The following NEFL variants were observed in gnomAD, a reference collection of about 807,000 sequenced individuals.
NEFL encodes the protein neurofilament light polypeptide.
A neutral mutation model predicts 51.6 loss-of-function variants in NEFL; 36 were observed. That is an observed-to-expected ratio of 0.70 (90% CI 0.53 to 0.92). The LOEUF (loss-of-function observed/expected upper bound fraction) is 0.92. Ranked by LOEUF, NEFL falls within the 40% of genes least tolerant of loss-of-function variation. The probability of loss-of-function intolerance (pLI) is 0.00; values close to 1 mark genes in which losing one functional copy is unlikely to be tolerated. For missense variants in NEFL, 671 were observed against 722.0 expected (o/e 0.93, Z 0.81); for synonymous variants, 332 against 302.5 (o/e 1.10, Z -1.01).
chr8:24,955,620 C>CGG lies in NEFL; in HGVS notation c.895_896insCC (p.Arg299ProfsTer28). 1.9e-6 allele frequency: 3 copies of CGG among 1,613,834 alleles called. No individual in the cohort carries two copies. The highest frequency in any genetic ancestry group is 2.5e-6 in the Non-Finnish European group (3 of 1,179,868). ...CTCGGACACCTCGTCCTTGGCGGCGCGCACGGCGTCGGTGTTCTTGGCGGC... is the reference window on the plus strand; with the variant it reads ...CTCGGACACCTCGTCCTTGGCGGCGCGGGCACGGCGTCGGTGTTCTTGGCGGC... On this transcript the variant is annotated frameshift_variant, in exon 1 of 4. Transcript: ENST00000610854. LOFTEE classifies it high-confidence loss of function. The surrounding 1 kb of genome is among the most constrained non-coding windows in gnomAD (Gnocchi z 4.0).
In NEFL at chr8:24,956,002, G is replaced by A; in HGVS notation, c.514C>T (p.Arg172Cys). The change falls in exon 1 of 4, where the codon CGC (arginine) becomes TGC (cysteine). Residue 172 changes from arginine to cysteine, a missense_variant. By Grantham distance (180) the Arg-to-Cys change is radical. Transcript: ENST00000610854. This position sits in a 1 kb window ranked among gnomAD's most constrained non-coding sequence, Gnocchi z 5.9. ...TCTTCATAGCGCGCCTGCAGGTTGCGCAGGGTCTCCTCCAGCCCTTCGCGC... is the reference window on the plus strand; with the variant it reads ...TCTTCATAGCGCGCCTGCAGGTTGCACAGGGTCTCCTCCAGCCCTTCGCGC... ...GEREGLEETL[R>C]NLQARYEEEV... is the part of the protein sequence containing the mutation. 1 of 1,604,218 alleles carries A rather than the reference G, an allele frequency of 6.2e-7. No individual in the cohort carries two copies. The highest frequency in any genetic ancestry group is 1.1e-5 in the South Asian group (1 of 90,866).
chr8:24,953,938 A>G lies in NEFL; in HGVS notation c.1170-143T>C. 3 of 1,255,120 alleles carry G rather than the reference A, an allele frequency of 2.4e-6. No individual in the cohort carries two copies. In the East Asian group the frequency reaches 7.6e-5, roughly 32 times the overall value. 77.7% of individuals were successfully genotyped at this position (1,255,120 alleles called of 1,614,324 possible). On this transcript the variant is annotated intron_variant, in intron 2 of 3. Coordinates refer to ENST00000610854, the MANE Select transcript of NEFL (RefSeq NM_006158.5). The stretch of plus-strand genomic sequence containing the variant: ...TGGGGATCTTTTGATGGAGACCAGA[A>G]AAAATATAAATAAATCATCCTATTA...
At position 24,955,236 on chromosome 8, in the gene NEFL, G is replaced by C; in HGVS notation, c.1044+236C>G. Reference sequence around the variant, plus strand: ...CCCCTCCCCCACCCAACAAGGGCTGGGCAGCTTTAATGCGGAACGCCGGTG... The same window carrying C: ...CCCCTCCCCCACCCAACAAGGGCTGCGCAGCTTTAATGCGGAACGCCGGTG... On this transcript the variant is annotated intron_variant, in intron 1 of 3. Transcript: ENST00000610854. This position sits in a 1 kb window ranked among gnomAD's most constrained non-coding sequence, Gnocchi z 4.0. 1 of 534,828 alleles carries C rather than the reference G, an allele frequency of 1.9e-6. No homozygotes were observed. Among genetic ancestry groups the C allele is most frequent in the Non-Finnish European group, 3.3e-6 (1 of 305,630 alleles). The allele number at this position is 534,828 out of a possible 1,614,324, so 33.1% of individuals were successfully genotyped here.
chr8:24,955,783 C>A lies in NEFL; in HGVS notation c.733G>T (p.Val245Leu), dbSNP rs752545805. ...TCGGGCTTGGTCACGTCCATCTCCACGGAGATCTGCGCGTACTGGATCTGC... is the reference window on the plus strand; with the variant it reads ...TCGGGCTTGGTCACGTCCATCTCCAAGGAGATCTGCGCGTACTGGATCTGC... ...QAQIQYAQIS[V>L]EMDVTKPDLS... The change falls in exon 1 of 4, where the codon GTG becomes TTG. Residue 245 changes from valine to leucine, a missense_variant. Physicochemically the swap from Val to Leu is conservative, Grantham distance 32. Coordinates refer to ENST00000610854, the MANE Select transcript of NEFL (RefSeq NM_006158.5). The surrounding 1 kb of genome is among the most constrained non-coding windows in gnomAD (Gnocchi z 4.0). 6.2e-7 allele frequency: 1 copy of A among 1,612,976 alleles called. No individual in the cohort carries two copies. Among genetic ancestry groups the A allele is most frequent in the Non-Finnish European group, 8.5e-7 (1 of 1,179,830 alleles).
At position 24,956,461 on chromosome 8, in the gene NEFL, C is replaced by T. The variant is rs1424618809; in HGVS notation, c.55G>A (p.Val19Met). 1.2e-6 allele frequency: 2 copies of T among 1,604,366 alleles called. No individual in the cohort carries two copies. The highest frequency in any genetic ancestry group is 1.7e-6 in the Non-Finnish European group (2 of 1,176,184). ...GAGATGTGCACCCGGGGCGTCTCCA[C>T]GTAGCGCCGCTTGTAGGAGGTCGAG... is the stretch of plus-strand genomic sequence containing the variant. ...YYSTSYKRRY[V>M]ETPRVHISSV... The change falls in exon 1 of 4, where the codon GTG becomes ATG. Residue 19 changes from valine to methionine, a missense_variant. Physicochemically the swap from Val to Met is conservative, Grantham distance 21. Transcript: ENST00000610854. The surrounding 1 kb of genome is among the most constrained non-coding windows in gnomAD (Gnocchi z 5.9).
chr8:24,954,697 T>G (rs1478242452), intron 1 of NEFL, among the ~76,000 whole-genome samples: 1 of 151,996 alleles, frequency 6.6e-6, no homozygotes, highest in Non-Finnish European at 1.5e-5. Context: ...AATAGCCAGA[T>G]GTAAACAAAA....
Position 24,956,480 on chromosome 8 carries a change from G to T in NEFL, c.36C>A (p.Thr12=), listed in dbSNP as rs773399177. ...SSFSYEPYYS[T]SYKRRYVETP... is the part of the protein sequence containing the mutation. ...TCTCCACGTAGCGCCGCTTGTAGGA[G>T]GTCGAGTAGTACGGCTCGTAGCTGA... The change falls in exon 1 of 4, where the codon ACC becomes ACA. Residue 12 remains threonine (T), a synonymous_variant. Coordinates refer to ENST00000610854, the MANE Select transcript of NEFL (RefSeq NM_006158.5). The surrounding 1 kb of genome is among the most constrained non-coding windows in gnomAD (Gnocchi z 5.9). 1 of 1,604,244 alleles carries T rather than the reference G, an allele frequency of 6.2e-7. No individual in the cohort carries two copies. The highest frequency in any genetic ancestry group is 2.2e-5 in the East Asian group (1 of 44,480).
rs773403006 is a variant in NEFL at position 24,954,354 on chromosome 8, CT to C, written c.1045-50del. ...AAAAAAAAAATCCGAGCATAAATCCCTTCTATTATTTTACTGTAGTGTAGTT... is the reference window on the plus strand; with the variant it reads ...AAAAAAAAAATCCGAGCATAAATCCCTCTATTATTTTACTGTAGTGTAGTT... On this transcript the variant is annotated intron_variant, in intron 1 of 3. Transcript: ENST00000610854. 2.6e-5 allele frequency: 42 copies of C among 1,600,614 alleles called. No homozygotes were observed. In the East Asian group the frequency reaches 2.9e-4, roughly 11 times the overall value.
rs774653437 is a variant in NEFL at position 24,955,975 on chromosome 8, C to T, written c.541G>A (p.Glu181Lys). 1.9e-6 allele frequency: 3 copies of T among 1,603,232 alleles called. No homozygotes were observed. The highest frequency in any genetic ancestry group is 2.5e-6 in the Non-Finnish European group (3 of 1,179,140). Residue 181 changes from glutamate (E) to lysine (K), a missense_variant, in exon 1 of 4, where the codon GAG (glutamate) becomes AAG (lysine). Physicochemically the swap from Glu to Lys is moderately conservative, Grantham distance 56. Coordinates refer to ENST00000610854, the MANE Select transcript of NEFL (RefSeq NM_006158.5). This position sits in a 1 kb window ranked among gnomAD's most constrained non-coding sequence, Gnocchi z 4.0. ...TCGGCGTCCTCGCGGCTCAGCACCT[C>T]CTCTTCATAGCGCGCCTGCAGGTTG... The part of the protein sequence containing the change: ...LRNLQARYEE[E>K]VLSREDAEGR...
Position 24,953,613 on chromosome 8 carries a change from T to C in NEFL, c.1352A>G (p.Gln451Arg), listed in dbSNP as rs1161174883. Residue 451 changes from glutamine to arginine, a missense_variant, in exon 3 of 4, where the codon CAG becomes CGG. By Grantham distance (43) the Gln-to-Arg change is conservative. Transcript: ENST00000610854. ...SYYTSHVQEE[Q>R]IEVEETIEAA... ...CTCAATGGTTTCCTCCACTTCGATCTGCTCCTCTTGGACATGGCTGGTGTA... is the reference window on the plus strand; with the variant it reads ...CTCAATGGTTTCCTCCACTTCGATCCGCTCCTCTTGGACATGGCTGGTGTA... 6.2e-7 allele frequency: 1 copy of C among 1,614,040 alleles called. No individual in the cohort carries two copies.
chr8:24,953,082 A>G (rs1802991837), intron 3 of NEFL, 130 bp from the exon 4 acceptor site: 2 of 1,131,752 alleles, frequency 1.8e-6, no homozygotes, highest in Admixed American at 5.7e-5. Context: ...CACTCTCTCC[A>G]AAAGCACATG....
intron 1 of NEFL, 63 bp from the exon 2 acceptor site, chr8:24,954,368 C>T: frequency 6.3e-7 from 1 of 1,586,754 alleles, no homozygotes; most frequent in Non-Finnish European, 8.6e-7. Flanking sequence ...TATTATTTTA[C>T]TGTAGTGTAG....
Position 24,953,595 on chromosome 8 carries a change from G to C in NEFL, c.1370C>G (p.Thr457Ser). 1 of 1,613,994 alleles carries C rather than the reference G, an allele frequency of 6.2e-7. No homozygotes were observed. Among genetic ancestry groups the C allele is most frequent in the Non-Finnish European group, 8.5e-7 (1 of 1,179,904 alleles). The change falls in exon 3 of 4, where the codon ACC (threonine) becomes AGC (serine). Residue 457 changes from threonine to serine, a missense_variant. Coordinates refer to ENST00000610854, the MANE Select transcript of NEFL (RefSeq NM_006158.5). ...VQEEQIEVEE[T>S]IEAAKAEEAK... ...TTCCTCAGCCTTGGCAGCCTCAATG[G>C]TTTCCTCCACTTCGATCTGCTCCTC...
Position 24,956,260 on chromosome 8 carries a change from T to A in NEFL, c.256A>T (p.Ile86Phe). The A allele has an allele frequency of 6.2e-7, 1 of 1,612,240 alleles. No homozygotes were observed. The highest frequency in any genetic ancestry group is 8.5e-7 in the Non-Finnish European group (1 of 1,179,300). Reference protein sequence around the residue: ...VAAISNDLKSIRTQEKAQLQD... With the variant: ...VAAISNDLKSFRTQEKAQLQD... ...AGCTGCGCCTTCTCCTGCGTGCGGA[T>A]GGACTTGAGGTCGTTGCTGATGGCG... The change falls in exon 1 of 4, where the codon ATC becomes TTC. Residue 86 changes from isoleucine to phenylalanine, a missense_variant. Transcript: ENST00000610854. The surrounding 1 kb of genome is among the most constrained non-coding windows in gnomAD (Gnocchi z 5.9).
Position 24,956,379 on chromosome 8 carries a change from G to C in NEFL, c.137C>G (p.Pro46Arg). 6.2e-7 allele frequency: 1 copy of C among 1,606,168 alleles called. No homozygotes were observed. Among genetic ancestry groups the C allele is most frequent in the Non-Finnish European group, 8.5e-7 (1 of 1,176,856 alleles). ...GCGCACGGACAGCGAGGAAGACACCGGCGCCGAGTAGCTGGAGTAAGCTGA... is the reference window on the plus strand; with the variant it reads ...GCGCACGGACAGCGAGGAAGACACCCGCGCCGAGTAGCTGGAGTAAGCTGA... ...ARSAYSSYSAPVSSSLSVRRS... is the reference protein window; with the variant it reads ...ARSAYSSYSARVSSSLSVRRS... Residue 46 changes from proline (P) to arginine (R), a missense_variant, in exon 1 of 4, where the codon CCG becomes CGG. Pro to Arg is a moderately radical substitution (Grantham distance 103). Coordinates refer to ENST00000610854, the MANE Select transcript of NEFL (RefSeq NM_006158.5). The surrounding 1 kb of genome is among the most constrained non-coding windows in gnomAD (Gnocchi z 5.9).
At position 24,951,591 on chromosome 8, in the gene NEFL, A is replaced by C. The variant is rs900713541; in HGVS notation, c.*1219T>G. ...ACATGCAGAGCAATGTCAATGTAACATACAAGCATATTACCTCCCCCCTTA... is the reference window on the plus strand; with the variant it reads ...ACATGCAGAGCAATGTCAATGTAACCTACAAGCATATTACCTCCCCCCTTA... On this transcript the variant is annotated 3_prime_UTR_variant, in exon 4 of 4. Coordinates refer to ENST00000610854, the MANE Select transcript of NEFL (RefSeq NM_006158.5). The C allele has an allele frequency of 3.3e-5, 5 of 152,520 alleles. No individual in the cohort carries two copies. The highest frequency in any genetic ancestry group is 1.3e-4 in the Admixed American group (2 of 15,280). The allele number at this position is 152,520 out of a possible 1,614,324, so 9.4% of individuals were successfully genotyped here. A position where few individuals can be genotyped will look rare whatever the true frequency, so the allele number is the denominator to read the frequency against.
chr8:24,955,246 A>C lies in NEFL; in HGVS notation c.1044+226T>G. 6.3e-6 allele frequency: 3 copies of C among 479,126 alleles called. No individual in the cohort carries two copies. The highest frequency in any genetic ancestry group is 1.1e-5 in the Non-Finnish European group (3 of 269,924). The allele number at this position is 479,126 out of a possible 1,614,324, so 29.7% of individuals were successfully genotyped here. On this transcript the variant is annotated intron_variant, in intron 1 of 3. Transcript: ENST00000610854. The surrounding 1 kb of genome is among the most constrained non-coding windows in gnomAD (Gnocchi z 4.0). ...ACCCAACAAGGGCTGGGCAGCTTTA[A>C]TGCGGAACGCCGGTGCAGCAGCACG...
chr8:24,953,888 C>T (rs747393715), intron 2 of NEFL, 93 bp from the exon 3 acceptor site: 272 of 1,459,814 alleles, frequency 1.9e-4, no homozygotes, highest in Non-Finnish European at 1.5e-4. Context: ...AGGAGCAGGG[C>T]TGGGATTTAT....
intron 3 of NEFL, 64 bp downstream of exon 3, chr8:24,953,412 A>G: frequency 6.5e-7 from 1 of 1,541,870 alleles, no homozygotes; most frequent in Non-Finnish European, 8.7e-7. Context: ...TGTCTTATCC[A>G]CCTCCTAACA....
Sources: allele counts gnomAD v4.1 joint callset (sites outside exome capture counted in the v4.1 genomes callset), GRCh38; gene constraint gnomAD v4.1.1; non-coding constraint Gnocchi (gnomAD v3.1); transcripts MANE v1.5; gene names NCBI Gene and HGNC (gene_info 2026-07-23, HGNC 2026-07-21).